The following ERBB4 variants were observed in gnomAD, a reference collection of about 807,000 sequenced individuals.
ERBB4 encodes the protein erb-b2 receptor tyrosine kinase 4.
In ERBB4, 42 loss-of-function variants were observed where a neutral mutation model predicts 158.0. The ratio of observed to expected loss-of-function variants is 0.27; its 90% CI spans 0.21 to 0.34. The LOEUF (loss-of-function observed/expected upper bound fraction) is 0.34. ERBB4 is among the 10% of genes least tolerant of loss of function. The pLI, the probability that ERBB4 is intolerant of heterozygous loss-of-function variation, is 1.00. For synonymous variants in ERBB4, 583 were observed against 558.7 expected (o/e 1.04, Z -0.61); for missense variants, 1,333 against 1,624.1 (o/e 0.82, Z 3.08).
chr2:211,739,210 C>A lies in ERBB4; in HGVS notation c.622+11429G>T, dbSNP rs544485265. On this transcript the variant is annotated intron_variant, in intron 5 of 27. Coordinates refer to ENST00000342788, the MANE Select transcript of ERBB4 (RefSeq NM_005235.3). ...GTAGGGATCTAACATTATCTTATTC[C>A]ATAAGTGAGCCATTTATTCATACTC... Among the ~76,000 whole-genome samples the A allele has an allele frequency of 2.0e-5, 3 of 152,044 alleles. No homozygotes were observed. In the South Asian group the frequency reaches 6.2e-4, roughly 32 times the overall value.
intron 1 of ERBB4, among the ~76,000 whole-genome samples, chr2:212,188,564 T>A (rs1030229036): frequency 6.6e-6 from 1 of 151,906 alleles, no homozygotes; most frequent in African/African-American, 2.4e-5. Flanking sequence ...TTTAGTAAAC[T>A]TGGCCTTTAA....
chr2:211,431,382 A>C (rs1220094181), intron 20 of ERBB4, among the ~76,000 whole-genome samples: 1 of 152,170 alleles, frequency 6.6e-6, no homozygotes, highest in Non-Finnish European at 1.5e-5. Flanking sequence ...ATCCTTTTGC[A>C]AACTCTTTCT....
At chr2:211,858,387 T>C (rs987247180) in intron 3 of ERBB4, among the ~76,000 whole-genome samples, 3 of 152,204 alleles carry the variant, frequency 2.0e-5, no homozygotes, top group Admixed American at 6.5e-5. Flanking sequence ...GTATATTCAG[T>C]AAATTAACTT....
At chr2:212,074,133 T>C (rs1462961605) in intron 2 of ERBB4, among the ~76,000 whole-genome samples, 2 of 151,976 alleles carry the variant, frequency 1.3e-5, no homozygotes, top group Non-Finnish European at 2.9e-5. Context: ...AAAACTTAGC[T>C]TGGCTCCTTG....
chr2:212,022,816 AG>A (rs1262199582), intron 2 of ERBB4, among the ~76,000 whole-genome samples: 6 of 152,142 alleles, frequency 3.9e-5, no homozygotes, highest in Non-Finnish European at 5.9e-5. Flanking sequence ...TCATTTCTTC[AG>A]GTAAAGAGTA....
chr2:211,894,643 G>C (rs2125015176), intron 3 of ERBB4, among the ~76,000 whole-genome samples: 1 of 152,202 alleles, frequency 6.6e-6, no homozygotes, highest in Non-Finnish European at 1.5e-5. Context: ...TACGCTAATA[G>C]AGTTTGAGTC....
chr2:211,526,159 G>A (rs2066342872), intron 20 of ERBB4, among the ~76,000 whole-genome samples: 2 of 152,032 alleles, frequency 1.3e-5, no homozygotes. Context: ...GGGCTATGCT[G>A]GTCTCAGGTC....
intron 19 of ERBB4, among the ~76,000 whole-genome samples, chr2:211,585,110 T>C (rs1218597945): frequency 6.6e-6 from 1 of 152,050 alleles, no homozygotes; most frequent in Non-Finnish European, 1.5e-5. Flanking sequence ...CCCAGCACTT[T>C]AGGAGGCCGA....
At chr2:211,963,225 G>C (rs985609736) in intron 2 of ERBB4, among the ~76,000 whole-genome samples, 8 of 151,912 alleles carry the variant, frequency 5.3e-5, no homozygotes, top group Non-Finnish European at 4.4e-5. Context: ...GGTGATACTG[G>C]CATCTAGTGG....
At chr2:212,483,035 G>A (rs1689785469) in intron 1 of ERBB4, among the ~76,000 whole-genome samples, 1 of 151,904 alleles carries the variant, frequency 6.6e-6, no homozygotes, top group Non-Finnish European at 1.5e-5. Context: ...TGCCTTGTGA[G>A]CAGATAGATA....
At chr2:211,803,566 C>T (rs1441749924) in intron 3 of ERBB4, among the ~76,000 whole-genome samples, 3 of 152,162 alleles carry the variant, frequency 2.0e-5, no homozygotes, top group Non-Finnish European at 2.9e-5. Flanking sequence ...TGCTCAGCCC[C>T]AGAAGATGTT....
At chr2:211,880,179 T>C (rs1235537220) in intron 3 of ERBB4, among the ~76,000 whole-genome samples, 1 of 152,168 alleles carries the variant, frequency 6.6e-6, no homozygotes, top group Non-Finnish European at 1.5e-5. Context: ...GTCTCTAGAA[T>C]GTACCTCTTT....
intron 20 of ERBB4, among the ~76,000 whole-genome samples, chr2:211,519,994 T>C (rs1292885690): frequency 6.6e-6 from 1 of 152,176 alleles, no homozygotes; most frequent in Non-Finnish European, 1.5e-5. Flanking sequence ...ACCTCTTCCA[T>C]GTGAGGAGGG....
intron 1 of ERBB4, among the ~76,000 whole-genome samples, chr2:212,304,566 C>A (rs571066399): frequency 1.3e-5 from 2 of 151,342 alleles, no homozygotes; most frequent in African/African-American, 4.8e-5. Context: ...ACAGAAATTG[C>A]CCAAAATGTG....
intron 1 of ERBB4, among the ~76,000 whole-genome samples, chr2:212,166,560 A>G (rs917071968): frequency 2.8e-5 from 4 of 140,820 alleles, no homozygotes; most frequent in Non-Finnish European, 6.1e-5. Flanking sequence ...TACCATTGAC[A>G]TTCTTCACAG....
intron 3 of ERBB4, among the ~76,000 whole-genome samples, chr2:211,930,276 C>T (rs1323106197): frequency 6.6e-6 from 1 of 152,056 alleles, no homozygotes; most frequent in Non-Finnish European, 1.5e-5. Flanking sequence ...TTAGAAAATC[C>T]ATGGTCTTGT....
chr2:211,756,399 C>T (rs1229924809), intron 4 of ERBB4, among the ~76,000 whole-genome samples: 10 of 151,832 alleles, frequency 6.6e-5, no homozygotes, highest in Admixed American at 3.9e-4. Flanking sequence ...CTGTTTGGGG[C>T]CATAATGAGT....
chr2:211,774,445 A>AATGC (rs201415425), intron 4 of ERBB4, among the ~76,000 whole-genome samples: 2,569 of 152,206 alleles, frequency 0.017, 38 homozygotes, highest in Non-Finnish European at 0.027. Flanking sequence ...TGCATTAATG[A>AATGC]ATTAAAGCTG....
chr2:211,644,099 G>A (rs1355791408), intron 16 of ERBB4, among the ~76,000 whole-genome samples: 1 of 151,958 alleles, frequency 6.6e-6, no homozygotes, highest in African/African-American at 2.4e-5. Flanking sequence ...GAGAGGGTGA[G>A]ACTGTTTCTG....
Sources: gnomAD v4.1 joint callset for allele counts (sites outside exome capture counted in the v4.1 genomes callset) on GRCh38, gnomAD v4.1.1 for gene constraint, MANE v1.5 for transcripts, NCBI Gene and HGNC (gene_info 2026-07-23, HGNC 2026-07-21) for gene names.